Variants in GTF2IRD1 observed in about 807,000 individuals in gnomAD.
The protein encoded by GTF2IRD1 is general transcription factor II-I repeat domain-containing protein 1.
A neutral mutation model predicts 113.2 loss-of-function variants in GTF2IRD1; 26 were observed. That is an observed-to-expected ratio of 0.23 (90% CI 0.17 to 0.32). GTF2IRD1 has a LOEUF of 0.32. GTF2IRD1 is among the 10% of genes least tolerant of loss of function. The probability of loss-of-function intolerance (pLI) is 1.00; values close to 1 mark genes in which losing one functional copy is unlikely to be tolerated. For synonymous variants in GTF2IRD1, 484 were observed against 529.1 expected (o/e 0.91, Z 1.17); for missense variants, 864 against 1,280.8 (o/e 0.67, Z 4.97).
intron 1 of GTF2IRD1, among the ~76,000 whole-genome samples, chr7:74,465,569 G>A (rs777148597): frequency 1.3e-5 from 2 of 152,088 alleles, no homozygotes; most frequent in South Asian, 2.1e-4. Flanking sequence ...ATTCAGTTGC[G>A]GGGAGCTAGC....
chr7:74,534,637 C>G (rs1460562600), intron 9 of GTF2IRD1, among the ~76,000 whole-genome samples: 1 of 152,044 alleles, frequency 6.6e-6, no homozygotes, highest in Non-Finnish European at 1.5e-5. Flanking sequence ...CCTGTTTTCA[C>G]GCTGAGAGAC....
rs78810505 is a variant in GTF2IRD1 at position 74,557,434 on chromosome 7, A to G, written c.2024-205A>G. On this transcript the variant is annotated intron_variant, in intron 19 of 26. Coordinates refer to ENST00000424337, the MANE Select transcript of GTF2IRD1 (RefSeq NM_005685.4). ...CAATTAACTTAATTTCCAACTCATC[A>G]CTGTTGTGGCAACAGTGCATGTCCT... 0.026 allele frequency among the ~76,000 whole-genome samples: 3,997 copies of G among 152,032 alleles called. 374 individuals are homozygous for G. The East Asian group carries it at 0.34, about 13-fold the overall frequency.
intron 1 of GTF2IRD1, among the ~76,000 whole-genome samples, chr7:74,460,069 C>T (rs922224393): frequency 4.0e-5 from 6 of 150,910 alleles, no homozygotes; most frequent in South Asian, 2.1e-4. Flanking sequence ...TCTCCCTCCC[C>T]GGCTCAAGCG....
chr7:74,592,278 T>C (rs782294733), intron 24 of GTF2IRD1, among the ~76,000 whole-genome samples: 53 of 151,498 alleles, frequency 3.5e-4, no homozygotes, highest in Non-Finnish European at 5.7e-4. Context: ...TTTTTTTTTG[T>C]ATTTTTAGTA....
intron 22 of GTF2IRD1, among the ~76,000 whole-genome samples, chr7:74,580,257 G>A (rs1190659812): frequency 6.6e-6 from 1 of 152,180 alleles, no homozygotes; most frequent in East Asian, 1.9e-4. Flanking sequence ...CAGGGAGTTG[G>A]GGCTCTGTGA....
At chr7:74,466,064 C>T (rs1793688037) in intron 1 of GTF2IRD1, among the ~76,000 whole-genome samples, 1 of 152,252 alleles carries the variant, frequency 6.6e-6, no homozygotes, top group Non-Finnish European at 1.5e-5. Context: ...AGCCACTGCA[C>T]CCGGACAGCA....
chr7:74,476,296 G>A (rs1269497542), intron 1 of GTF2IRD1, among the ~76,000 whole-genome samples: 3 of 151,784 alleles, frequency 2.0e-5, no homozygotes, highest in African/African-American at 4.8e-5. Flanking sequence ...AGCCCAGCCT[G>A]GCCTGGCAAG....
chr7:74,466,948 C>CTT (rs1249621731), intron 1 of GTF2IRD1, among the ~76,000 whole-genome samples: 21 of 148,766 alleles, frequency 1.4e-4, no homozygotes, highest in African/African-American at 4.7e-4. Context: ...CACCCTTTTT[C>CTT]TTTCTTTTTT....
At position 74,545,822 on chromosome 7, in the gene GTF2IRD1, T is replaced by C. The variant is rs782241011; in HGVS notation, c.1732+13T>C. On this transcript the variant is annotated intron_variant, in intron 16 of 26. Transcript: ENST00000424337. Reference sequence around the variant, plus strand: ...AACACACGATACGGTGAGCAAGAAGTGGGACAGGGTCTGGGGGCATCCCGG... The same window carrying C: ...AACACACGATACGGTGAGCAAGAAGCGGGACAGGGTCTGGGGGCATCCCGG... 6.2e-7 allele frequency: 1 copy of C among 1,604,924 alleles called. No homozygotes were observed. The highest frequency in any genetic ancestry group is 1.7e-5 in the Admixed American group (1 of 60,010).
At chr7:74,568,737 T>G (rs1800500017) in intron 22 of GTF2IRD1, among the ~76,000 whole-genome samples, 1 of 152,110 alleles carries the variant, frequency 6.6e-6, no homozygotes, top group Non-Finnish European at 1.5e-5. Flanking sequence ...CTCTGCCTGC[T>G]CCTTCTCTCA....
At chr7:74,574,150 A>ATTTTTTTTTTTTTTTTTTTTTTTTTTT (rs71094796) in intron 22 of GTF2IRD1, among the ~76,000 whole-genome samples, 1 of 104,826 alleles carries the variant, frequency 9.5e-6, no homozygotes, top group Non-Finnish European at 1.9e-5. Context: ...CACCAAGCTA[A>ATTTTTTTTTTTTTTTTTTTTTTTTTTT]TTTTTTTTTT....
chr7:74,499,597 CACACAAAGGAATTAATGAATGT>C (rs1458608676), intron 1 of GTF2IRD1, among the ~76,000 whole-genome samples: 53 of 151,072 alleles, frequency 3.5e-4, no homozygotes, highest in African/African-American at 1.2e-3. Context: ...TAAATGAATG[CACACAAAGGAATTAATGAATGT>C]ACACAAAGGA....
chr7:74,476,663 A>G (rs1554333604), intron 1 of GTF2IRD1, among the ~76,000 whole-genome samples: 2 of 151,936 alleles, frequency 1.3e-5, no homozygotes, highest in African/African-American at 4.8e-5. Flanking sequence ...TCCTGCCTCT[A>G]GCCTTTGCCC....
intron 1 of GTF2IRD1, among the ~76,000 whole-genome samples, chr7:74,503,739 T>TCC (rs2129919732): frequency 6.6e-6 from 1 of 152,330 alleles, no homozygotes; most frequent in African/African-American, 2.4e-5. Flanking sequence ...ACAGTGAGAC[T>TCC]GTCTCAAAAA....
chr7:74,485,880 C>T (rs551411461), intron 1 of GTF2IRD1, among the ~76,000 whole-genome samples: 1 of 151,882 alleles, frequency 6.6e-6, no homozygotes, highest in Non-Finnish European at 1.5e-5. Flanking sequence ...GAGCTATGAT[C>T]GTGCCTCTGC....
chr7:74,494,960 A>G (rs1554337536), intron 1 of GTF2IRD1, among the ~76,000 whole-genome samples: 1 of 152,052 alleles, frequency 6.6e-6, no homozygotes, highest in African/African-American at 2.4e-5. Context: ...TCACTATGTT[A>G]CCCAGTCTGG....
chr7:74,498,803 A>C (rs1554338715), intron 1 of GTF2IRD1, among the ~76,000 whole-genome samples: 1 of 150,388 alleles, frequency 6.6e-6, no homozygotes, highest in Non-Finnish European at 1.5e-5. Context: ...ATCTCAGCTC[A>C]CTGCAACCTC....
intron 22 of GTF2IRD1, among the ~76,000 whole-genome samples, chr7:74,568,337 T>TAAAAAAAAAA (rs782743930): frequency 1.6e-4 from 15 of 91,958 alleles, no homozygotes; most frequent in Admixed American, 2.7e-4. Flanking sequence ...CATCTCTATT[T>TAAAAAAAAAA]AAAAAAAAAA....
intron 1 of GTF2IRD1, among the ~76,000 whole-genome samples, chr7:74,473,269 T>C (rs1794209823): frequency 6.6e-6 from 1 of 152,168 alleles, no homozygotes; most frequent in Non-Finnish European, 1.5e-5. Flanking sequence ...GGAGAGATCT[T>C]GGCCGGTGTC....
Sources: gnomAD v4.1 joint callset for allele counts (sites outside exome capture counted in the v4.1 genomes callset) on GRCh38, gnomAD v4.1.1 for gene constraint, MANE v1.5 for transcripts, NCBI Gene and HGNC (gene_info 2026-07-23, HGNC 2026-07-21) for gene names.